Variants in SNX14 observed in about 807,000 individuals in gnomAD.
SNX14 encodes sorting nexin-14.
A neutral mutation model predicts 133.8 loss-of-function variants in SNX14; 93 were observed. That is an observed-to-expected ratio of 0.70 (90% confidence interval 0.59 to 0.83). The LOEUF (loss-of-function observed/expected upper bound fraction) is 0.83. Ranked by LOEUF, SNX14 falls within the 40% of genes least tolerant of loss-of-function variation. The pLI, the probability that SNX14 is intolerant of heterozygous loss-of-function variation, is 0.00. For synonymous variants in SNX14, 368 were observed against 365.6 expected, an observed-to-expected ratio of 1.01 and a Z score of -0.07; for missense variants, 945 against 1,094.9, an observed-to-expected ratio of 0.86 and a Z score of 1.93.
chr6:85,543,204 G>T lies in SNX14; in HGVS notation c.1367C>A (p.Pro456His). Residue 456 changes from proline (P) to histidine (H), a missense_variant, in exon 14 of 29, where the codon CCT becomes CAT. Coordinates refer to ENST00000314673, the MANE Select transcript of SNX14 (RefSeq NM_153816.6). ...TACCTCATCACTATGGCAGAACATAGGAGTAAATACATTCTCCAAAAGGGA... is the reference window on the plus strand; with the variant it reads ...TACCTCATCACTATGGCAGAACATATGAGTAAATACATTCTCCAAAAGGGA... ...VLSLLENVFT[P>H]MFCHSDEYFR... is the part of the protein sequence containing the mutation. 6.3e-7 allele frequency: 1 copy of T among 1,575,180 alleles called. No homozygotes were observed. Among genetic ancestry groups the T allele is most frequent in the Non-Finnish European group, 8.6e-7 (1 of 1,164,858 alleles).
intron 4 of SNX14, among the ~76,000 whole-genome samples, chr6:85,570,252 T>C (rs1795118398): frequency 6.6e-6 from 1 of 152,186 alleles, no homozygotes; most frequent in South Asian, 2.1e-4. Flanking sequence ...TTTTTAAATG[T>C]GAGAGCTAAT....
chr6:85,563,607 G>A (rs1352394814), intron 6 of SNX14, among the ~76,000 whole-genome samples: 1 of 152,122 alleles, frequency 6.6e-6, no homozygotes, highest in East Asian at 1.9e-4. Flanking sequence ...TGGCCAGGCT[G>A]GTCTTGAACT....
chr6:85,574,117 AAC>A, intron 2 of SNX14, 139 bp downstream of exon 2: 1 of 454,416 alleles, frequency 2.2e-6, no homozygotes, highest in Non-Finnish European at 3.2e-6. Flanking sequence ...ACCTAAAAAA[AAC>A]AAAAAAAAAA....
rs563834418 is a variant in SNX14 at position 85,593,810 on chromosome 6, T to C, written c.-92A>G. ...CACCTCGCGTCCCCGCCCCACCGAC[T>C]TGGCGGCGCACACAGACGCCTACCG... On this transcript the variant is annotated 5_prime_UTR_variant, in exon 1 of 29. Coordinates refer to ENST00000314673, the MANE Select transcript of SNX14 (RefSeq NM_153816.6). The C allele has an allele frequency of 1.9e-6, 3 of 1,577,554 alleles. No individual in the cohort carries two copies. In the African/African-American group the frequency reaches 4.1e-5, roughly 22 times the overall value.
rs774228666 is a variant in SNX14 at position 85,547,505 on chromosome 6, C to T, written c.912+1G>A. ...TGTTTTCTAATATATTCAATACTCA[C>T]TGGACTGTCATCTATGAAGATGATA... On this transcript the variant is annotated splice_donor_variant, in intron 10 of 28. Coordinates refer to ENST00000314673, the MANE Select transcript of SNX14 (RefSeq NM_153816.6). LOFTEE classifies it high-confidence loss of function. 6.2e-7 allele frequency: 1 copy of T among 1,604,962 alleles called. No individual in the cohort carries two copies. The highest frequency in any genetic ancestry group is 8.5e-7 in the Non-Finnish European group (1 of 1,177,196).
At chr6:85,585,969 T>C (rs959109244) in intron 1 of SNX14, among the ~76,000 whole-genome samples, 9 of 150,398 alleles carry the variant, frequency 6.0e-5, no homozygotes, top group Non-Finnish European at 1.0e-4. Context: ...TAAAGTCTTC[T>C]TGCACCACTC....
intron 6 of SNX14, among the ~76,000 whole-genome samples, chr6:85,558,384 C>T (rs1226299676): frequency 6.6e-6 from 1 of 152,162 alleles, no homozygotes; most frequent in Non-Finnish European, 1.5e-5. Flanking sequence ...CCCTTTGATG[C>T]TGTACATTTG....
chr6:85,505,575 C>A lies in SNX14; in HGVS notation c.*392G>T. The A allele has an allele frequency of 1.1e-5, 2 of 179,602 alleles. No homozygotes were observed. The highest frequency in any genetic ancestry group is 2.3e-5 in the Non-Finnish European group (2 of 87,458). 11.1% of individuals were successfully genotyped at this position (179,602 alleles called of 1,614,324 possible). On this transcript the variant is annotated 3_prime_UTR_variant, in exon 29 of 29. Transcript: ENST00000314673. The stretch of plus-strand genomic sequence containing the variant: ...TGTACAAAATAAAAAAAAGGAAAAC[C>A]AATCTACTAAAATATATTAACTCTA...
At position 85,505,953 on chromosome 6, in the gene SNX14, C is replaced by G. The variant is rs61745951; in HGVS notation, c.*14G>C. 22 of 1,593,744 alleles carry G rather than the reference C, an allele frequency of 1.4e-5. No individual in the cohort carries two copies. The highest frequency in any genetic ancestry group is 1.9e-5 in the Non-Finnish European group (22 of 1,162,218). On this transcript the variant is annotated 3_prime_UTR_variant, in exon 29 of 29. Transcript: ENST00000314673. ...AGAAATTTCAATGGGTTATTCTATA[C>G]CAAATCCAAGTGTTTACATCCAAGA...
chr6:85,588,856 T>C (rs1254079943), intron 1 of SNX14: 2 of 454,284 alleles, frequency 4.4e-6, no homozygotes, highest in Admixed American at 2.4e-5. Context: ...AGAGAAAATA[T>C]ATTTACTATT....
At chr6:85,539,944 T>C (rs1783117642) in intron 15 of SNX14, among the ~76,000 whole-genome samples, 1 of 111,446 alleles carries the variant, frequency 9.0e-6, no homozygotes. Context: ...CTTTTTATTT[T>C]ATTTTATTTT....
intron 1 of SNX14, among the ~76,000 whole-genome samples, chr6:85,586,504 G>C (rs541100965): frequency 6.6e-6 from 1 of 152,098 alleles, no homozygotes; most frequent in African/African-American, 2.4e-5. Flanking sequence ...TTTTATTATG[G>C]AGTAGTTATT....
intron 5 of SNX14, among the ~76,000 whole-genome samples, chr6:85,566,922 T>C (rs1382543470): frequency 6.6e-6 from 1 of 152,146 alleles, no homozygotes; most frequent in Non-Finnish European, 1.5e-5. Context: ...GTATTTTCTG[T>C]ATCTTCAAAA....
chr6:85,516,632 C>CT (rs746721196), intron 23 of SNX14, among the ~76,000 whole-genome samples: 4,913 of 126,350 alleles, frequency 0.039, 266 homozygotes, highest in African/African-American at 0.096. Context: ...CTTCCTTAAT[C>CT]TTTTTTTTTT....
intron 1 of SNX14, among the ~76,000 whole-genome samples, chr6:85,586,871 G>A (rs567895421): frequency 1.3e-5 from 2 of 151,966 alleles, no homozygotes; most frequent in Non-Finnish European, 2.9e-5. Context: ...ACCCCATGTT[G>A]GGAGTCTCCA....
chr6:85,540,872 G>T (rs1178273808), intron 15 of SNX14, among the ~76,000 whole-genome samples: 2 of 151,980 alleles, frequency 1.3e-5, no homozygotes, highest in Non-Finnish European at 2.9e-5. Flanking sequence ...AAATTGGAAG[G>T]TGTCTAGATG....
At chr6:85,554,309 T>C (rs977760110) in intron 7 of SNX14, among the ~76,000 whole-genome samples, 1 of 151,792 alleles carries the variant, frequency 6.6e-6, no homozygotes, top group African/African-American at 2.4e-5. Flanking sequence ...CACACATGTG[T>C]ATATATATAC....
intron 6 of SNX14, among the ~76,000 whole-genome samples, chr6:85,559,225 A>G (rs74534437): frequency 4.6e-5 from 7 of 152,148 alleles, no homozygotes; most frequent in Admixed American, 1.3e-4. Flanking sequence ...GTAAGAGGCG[A>G]TATTTTTGCT....
chr6:85,525,444 A>T (rs1180960111), intron 21 of SNX14, among the ~76,000 whole-genome samples: 2 of 152,194 alleles, frequency 1.3e-5, no homozygotes, highest in Non-Finnish European at 2.9e-5. Flanking sequence ...TATTCAAAGC[A>T]GAAATATTTC....
Sources: allele counts gnomAD v4.1 joint callset (sites outside exome capture counted in the v4.1 genomes callset), GRCh38; gene constraint gnomAD v4.1.1; transcripts MANE v1.5; gene names NCBI Gene and HGNC (gene_info 2026-07-23, HGNC 2026-07-21).